TRIP12: variants seen among roughly 807,000 people sequenced by gnomAD.
TRIP12 encodes E3 ubiquitin-protein ligase TRIP12.
In TRIP12, 25 loss-of-function variants were observed where a neutral mutation model predicts 244.2. That is an observed-to-expected ratio of 0.10 (90% CI 0.07 to 0.14). The LOEUF is 0.14. TRIP12 is among the 10% of genes least tolerant of loss of function. TRIP12 has a pLI of 1.00. For synonymous variants in TRIP12, 905 were observed against 873.1 expected, an observed-to-expected ratio of 1.04 and a Z score of -0.64; for missense variants, 1,677 against 2,486.4, an observed-to-expected ratio of 0.67 and a Z score of 6.92.
chr2:229,774,040 C>T, intron 38 of TRIP12, 57 bp downstream of exon 38: 1 of 1,563,888 alleles, frequency 6.4e-7, no homozygotes, highest in South Asian at 1.2e-5. Context: ...AAGGTACAAT[C>T]AGGCAAAGTC....
intron 27 of TRIP12, 105 bp from the exon 28 acceptor site, chr2:229,792,331 G>A (rs1156857814): frequency 1.8e-6 from 2 of 1,082,628 alleles, no homozygotes; most frequent in Non-Finnish European, 1.4e-6. Context: ...ACACATATAG[G>A]TTGAGTATCC....
chr2:229,875,664 C>A (rs2063450537), intron 2 of TRIP12, among the ~76,000 whole-genome samples: 1 of 152,206 alleles, frequency 6.6e-6, no homozygotes, highest in African/African-American at 2.4e-5. Context: ...TGAGTTTCAA[C>A]TGAAAGAATG....
Position 229,815,187 on chromosome 2 carries a change from T to C in TRIP12, c.1643A>G (p.His548Arg). ...QMEHNFDIMNHACRALTYMME... is the reference protein window; with the variant it reads ...QMEHNFDIMNRACRALTYMME... ...CATGTATGTTAAGGCTCGACAAGCA[T>C]GGTTCATCTAGAAAAGAAGAGATTT... Residue 548 changes from histidine (H) to arginine (R), a missense_variant, in exon 11 of 42, where the codon CAT (histidine) becomes CGT (arginine). His to Arg is a conservative substitution (Grantham distance 29). Transcript: ENST00000675903. 4 of 1,612,136 alleles carry C rather than the reference T, an allele frequency of 2.5e-6. No homozygotes were observed. The highest frequency in any genetic ancestry group is 3.4e-6 in the Non-Finnish European group (4 of 1,179,324).
Position 229,829,224 on chromosome 2 carries a change from C to T in TRIP12, c.1419G>A (p.Gln473=). ...CACTTCCAATTGTTCTATGGAAAAG[C>T]TGTGACATCCGAGGACCAAGAGGAC... is the stretch of plus-strand genomic sequence containing the variant. ...LFGPLGPRMS[Q]LFHRTIGSGA... is the part of the protein sequence containing the mutation. The change falls in exon 8 of 42, where the codon CAG becomes CAA. Residue 473 remains glutamine (Q), a synonymous_variant. Transcript: ENST00000675903. 3 of 1,613,898 alleles carry T rather than the reference C, an allele frequency of 1.9e-6. No homozygotes were observed. Among genetic ancestry groups the T allele is most frequent in the Non-Finnish European group, 1.7e-6 (2 of 1,179,942 alleles).
rs1443888155 is a variant in TRIP12 at position 229,876,295 on chromosome 2, T to C, written c.98+3687A>G. Among the ~76,000 whole-genome samples the C allele has an allele frequency of 2.0e-5, 3 of 151,790 alleles. No individual in the cohort carries two copies. The East Asian group carries it at 5.8e-4, about 29-fold the overall frequency. Reference sequence around the variant, plus strand: ...CCATCTCAACAAAACAAAACAAAAATATATCAACCTGGGGGCTGATAAGAA... The same window carrying C: ...CCATCTCAACAAAACAAAACAAAAACATATCAACCTGGGGGCTGATAAGAA... On this transcript the variant is annotated intron_variant, in intron 2 of 41. Transcript: ENST00000675903.
chr2:229,807,060 TA>T (rs1286803572), intron 17 of TRIP12, among the ~76,000 whole-genome samples: 1 of 152,156 alleles, frequency 6.6e-6, no homozygotes, highest in Non-Finnish European at 1.5e-5. Context: ...GAAGTAAAAA[TA>T]AAAATCACAT....
chr2:229,859,291 G>A lies in TRIP12; in HGVS notation c.508C>T (p.Pro170Ser). The A allele has an allele frequency of 6.2e-7, 1 of 1,614,186 alleles. No homozygotes were observed. The highest frequency in any genetic ancestry group is 8.5e-7 in the Non-Finnish European group (1 of 1,180,042). ...QEQQLKSAQS[P>S]STSKAHTRKS... is the part of the protein sequence containing the mutation. The stretch of plus-strand genomic sequence containing the variant: ...CTGGTATGAGCCTTGCTTGTTGATG[G>A]TGATTGTGCAGATTTCAGTTGTTGC... Residue 170 changes from proline (P) to serine (S), a missense_variant, in exon 4 of 42, where the codon CCA becomes TCA. Pro to Ser is a moderately conservative substitution (Grantham distance 74). This residue lies in a region of TRIP12 where 387 missense variants were observed against 392.6 expected (regional missense o/e 0.99). Coordinates refer to ENST00000675903, the MANE Select transcript of TRIP12 (RefSeq NM_001348323.3).
At chr2:229,827,177 G>A (rs970947467) in intron 8 of TRIP12, among the ~76,000 whole-genome samples, 6 of 151,936 alleles carry the variant, frequency 3.9e-5, no homozygotes, top group Admixed American at 6.6e-5. Flanking sequence ...CTACTGGGGA[G>A]GCTGAAGCAG....
At chr2:229,895,486 A>G (rs896654810) in intron 1 of TRIP12, among the ~76,000 whole-genome samples, 1 of 151,768 alleles carries the variant, frequency 6.6e-6, no homozygotes, top group African/African-American at 2.4e-5. Context: ...AAGGGACCTA[A>G]CTGAGCTCAA....
At chr2:229,897,855 T>C (rs1490054533) in intron 1 of TRIP12, among the ~76,000 whole-genome samples, 1 of 152,180 alleles carries the variant, frequency 6.6e-6, no homozygotes, top group East Asian at 1.9e-4. Flanking sequence ...CAGACTCCTA[T>C]GAATGCTGCA....
intron 1 of TRIP12, among the ~76,000 whole-genome samples, chr2:229,891,974 G>A (rs2067470832): frequency 6.6e-6 from 1 of 152,154 alleles, no homozygotes; most frequent in Admixed American, 6.5e-5. Context: ...ATATTTAGAG[G>A]TCCTCAAAAG....
intron 30 of TRIP12, among the ~76,000 whole-genome samples, chr2:229,790,192 A>G (rs1294603850): frequency 2.0e-5 from 3 of 152,226 alleles, no homozygotes; most frequent in African/African-American, 7.2e-5. Context: ...TGGTTATTTA[A>G]TGCAAGGCTT....
At chr2:229,920,000 ATC>A (rs1194057739) in intron 1 of TRIP12, among the ~76,000 whole-genome samples, 1 of 152,222 alleles carries the variant, frequency 6.6e-6, no homozygotes, top group East Asian at 1.9e-4. Flanking sequence ...AAATATGAAA[ATC>A]AGCCTCAATA....
At chr2:229,856,858 C>T (rs1452936297) in intron 4 of TRIP12, among the ~76,000 whole-genome samples, 1 of 152,144 alleles carries the variant, frequency 6.6e-6, no homozygotes, top group Non-Finnish European at 1.5e-5. Context: ...ATCCTTTAAA[C>T]TTAAAACATT....
chr2:229,842,807 T>C (rs2056766379), intron 4 of TRIP12, among the ~76,000 whole-genome samples: 1 of 152,216 alleles, frequency 6.6e-6, no homozygotes, highest in African/African-American at 2.4e-5. Context: ...TGATGACATA[T>C]TTTTTAATCA....
At chr2:229,861,211 C>T (rs954560853) in intron 2 of TRIP12, among the ~76,000 whole-genome samples, 2 of 152,068 alleles carry the variant, frequency 1.3e-5, no homozygotes, top group African/African-American at 4.8e-5. Context: ...CAAATAATTC[C>T]ATGATTGATA....
At chr2:229,915,460 A>C (rs1286648670) in intron 1 of TRIP12, among the ~76,000 whole-genome samples, 1 of 152,218 alleles carries the variant, frequency 6.6e-6, no homozygotes, top group Admixed American at 6.5e-5. Context: ...AAATTTTAAA[A>C]ATAGGACATT....
intron 1 of TRIP12, among the ~76,000 whole-genome samples, chr2:229,920,649 T>C (rs1409163701): frequency 6.6e-6 from 1 of 152,194 alleles, no homozygotes; most frequent in African/African-American, 2.4e-5. Flanking sequence ...CCCCTTCCGT[T>C]ATCTCCTCAC....
At chr2:229,841,768 T>C (rs576682808) in intron 4 of TRIP12, among the ~76,000 whole-genome samples, 1 of 152,320 alleles carries the variant, frequency 6.6e-6, no homozygotes, top group Non-Finnish European at 1.5e-5. Flanking sequence ...GACTAATTAA[T>C]TATACAATTG....
Sources: gnomAD v4.1 joint callset for allele counts (sites outside exome capture counted in the v4.1 genomes callset) on GRCh38, gnomAD v4.1.1 for gene constraint, gnomAD v4.1.1 regional missense constraint, MANE v1.5 for transcripts, NCBI Gene and HGNC (gene_info 2026-07-23, HGNC 2026-07-21) for gene names.